Variants in ASPH observed in about 807,000 individuals in gnomAD.
The protein encoded by ASPH is aspartyl/asparaginyl beta-hydroxylase.
ASPH carries 100 observed loss-of-function variants against 118.4 expected under a neutral mutation model. The ratio of observed to expected loss-of-function variants is 0.84; its 90% confidence interval spans 0.72 to 1.00. ASPH has a LOEUF of 1.00. Ranked by LOEUF, ASPH falls within the 50% of genes least tolerant of loss-of-function variation. The pLI is 0.00. For synonymous variants in ASPH, 315 were observed against 325.6 expected (o/e 0.97, Z 0.35); for missense variants, 920 against 919.5 (o/e 1.00, Z -0.01).
intron 24 of ASPH, among the ~76,000 whole-genome samples, chr8:61,515,482 ACAGATGTTTTCAT>A (rs1429818855): frequency 7.9e-5 from 12 of 152,066 alleles, no homozygotes; most frequent in African/African-American, 2.9e-4. Context: ...TCTTCTAAAT[ACAGATGTTTTCAT>A]GGAACCTTTT....
chr8:61,676,098 T>C (rs559621994), intron 3 of ASPH: 11 of 1,599,430 alleles, frequency 6.9e-6, no homozygotes, highest in South Asian at 2.2e-5. Flanking sequence ...AAATCCAATA[T>C]GACACAAGTC....
chr8:61,514,253 G>C (rs1328497726), intron 24 of ASPH, among the ~76,000 whole-genome samples: 1 of 151,868 alleles, frequency 6.6e-6, no homozygotes, highest in African/African-American at 2.4e-5. Context: ...TCTGCATCAG[G>C]CTACTGAAGA....
chr8:61,661,971 A>G (rs1005789754), intron 3 of ASPH: 6 of 432,606 alleles, frequency 1.4e-5, no homozygotes, highest in African/African-American at 4.0e-5. Context: ...AAAATTCAAA[A>G]GAGTGGCTAC....
chr8:61,543,758 G>A (rs1822797802), intron 21 of ASPH, among the ~76,000 whole-genome samples: 2 of 152,190 alleles, frequency 1.3e-5, no homozygotes, highest in African/African-American at 4.8e-5. Flanking sequence ...AAATCAGTTC[G>A]GTCCCTCTCA....
chr8:61,570,844 C>T (rs1833272204), intron 16 of ASPH, among the ~76,000 whole-genome samples: 1 of 152,120 alleles, frequency 6.6e-6, no homozygotes, highest in Non-Finnish European at 1.5e-5. Flanking sequence ...GCCTCAAAGG[C>T]ATTAATGGTT....
intron 20 of ASPH, among the ~76,000 whole-genome samples, chr8:61,549,006 A>G (rs1322899052): frequency 2.0e-5 from 3 of 152,150 alleles, no homozygotes; most frequent in African/African-American, 7.2e-5. Context: ...CACTTCCTGC[A>G]CCATGCATGT....
Position 61,562,389 on chromosome 8 carries a change from C to CTGTGTGTGTGTG in ASPH, c.1437+343_1437+354dup, listed in dbSNP as rs150312211. ...AAAAAAAAAAAAAAGGAAAGTGTGT[C>CTGTGTGTGTGTG]TGTGTGTGTGTGTGTGTGTGTGTGT... On this transcript the variant is annotated intron_variant, in intron 18 of 24. Coordinates refer to ENST00000379454, the MANE Select transcript of ASPH (RefSeq NM_004318.4). 6.2e-5 allele frequency among the ~76,000 whole-genome samples: 8 copies of CTGTGTGTGTGTG among 128,988 alleles called. 2 individuals are homozygous for CTGTGTGTGTGTG. The highest frequency in any genetic ancestry group is 2.4e-4 in the East Asian group (1 of 4,226). The allele number at this position is 128,988 out of a possible 152,430, so 84.6% of individuals were successfully genotyped here. A position where few individuals can be genotyped will look rare whatever the true frequency, so the allele number is the denominator to read the frequency against.
At chr8:61,688,087 G>GT (rs1471607289) in intron 1 of ASPH, among the ~76,000 whole-genome samples, 5 of 152,086 alleles carry the variant, frequency 3.3e-5, no homozygotes, top group Non-Finnish European at 5.9e-5. Flanking sequence ...ATGAACGCAT[G>GT]GTAAGACAAA....
At chr8:61,563,203 A>AG (rs1587196202) in intron 17 of ASPH, among the ~76,000 whole-genome samples, 1 of 151,664 alleles carries the variant, frequency 6.6e-6, no homozygotes, top group South Asian at 2.1e-4. Context: ...GTTAAAAAAA[A>AG]AAGTTCTGCT....
intron 1 of ASPH, among the ~76,000 whole-genome samples, chr8:61,707,412 CT>C (rs1320994422): frequency 1.3e-5 from 2 of 152,186 alleles, no homozygotes; most frequent in African/African-American, 4.8e-5. Context: ...TTCACAGCCA[CT>C]CAACTGGCAA....
intron 19 of ASPH, 68 bp downstream of exon 19, chr8:61,555,856 A>ATT: frequency 7.4e-7 from 1 of 1,356,324 alleles, no homozygotes; most frequent in Non-Finnish European, 1.0e-6. Context: ...TACAAGGAAT[A>ATT]AGCAAGTGTG....
intron 3 of ASPH, 62 bp downstream of exon 3, chr8:61,680,906 G>T: frequency 2.8e-6 from 4 of 1,410,404 alleles, no homozygotes; most frequent in Non-Finnish European, 3.9e-6. Flanking sequence ...TATTATTAAA[G>T]CAAAAATAAT....
chr8:61,643,869 T>C (rs1334766832), intron 8 of ASPH, 76 bp downstream of exon 8: 1 of 1,121,104 alleles, frequency 8.9e-7, no homozygotes, highest in Non-Finnish European at 1.3e-6. Flanking sequence ...ATCACAATTG[T>C]TAACCCTGGA....
chr8:61,643,555 CA>C, intron 8 of ASPH, 122 bp from the exon 9 acceptor site: 3 of 970,428 alleles, frequency 3.1e-6, no homozygotes, highest in Non-Finnish European at 4.6e-6. Context: ...TTTTCATTAT[CA>C]TTTAATAAAA....
At chr8:61,641,622 T>C (rs1203509968) in intron 10 of ASPH, among the ~76,000 whole-genome samples, 1 of 152,218 alleles carries the variant, frequency 6.6e-6, no homozygotes, top group Non-Finnish European at 1.5e-5. Context: ...ATAGCCACTA[T>C]AGATGATGAA....
At chr8:61,529,774 A>G (rs1045491945) in intron 21 of ASPH, among the ~76,000 whole-genome samples, 2 of 152,196 alleles carry the variant, frequency 1.3e-5, no homozygotes, top group Admixed American at 6.5e-5. Flanking sequence ...GGCAGATTCA[A>G]TTCTGGTGAG....
At position 61,714,515 on chromosome 8, in the gene ASPH, A is replaced by C. The variant is rs1838919873; in HGVS notation, c.-144T>G. The C allele has an allele frequency of 1.6e-6, 2 of 1,212,290 alleles. No individual in the cohort carries two copies. The highest frequency in any genetic ancestry group is 2.1e-5 in the South Asian group (1 of 47,140). 75.1% of individuals were successfully genotyped at this position (1,212,290 alleles called of 1,614,324 possible). On this transcript the variant is annotated 5_prime_UTR_variant, in exon 1 of 25. Transcript: ENST00000379454. ...CCTGCAGCAGACCCTGTGCCTCAGCACCGCCTGCAGCACCTGGGAAGACTT... is the reference window on the plus strand; with the variant it reads ...CCTGCAGCAGACCCTGTGCCTCAGCCCCGCCTGCAGCACCTGGGAAGACTT...
intron 3 of ASPH, chr8:61,657,063 A>T (rs1033059954): frequency 1.3e-5 from 2 of 152,230 alleles, no homozygotes; most frequent in Non-Finnish European, 2.9e-5. Flanking sequence ...AATAAGAAAC[A>T]TGAACTATTT....
At chr8:61,566,666 C>T (rs1831797050) in intron 17 of ASPH, among the ~76,000 whole-genome samples, 1 of 152,176 alleles carries the variant, frequency 6.6e-6, no homozygotes, top group Non-Finnish European at 1.5e-5. Flanking sequence ...AAGAAATTGC[C>T]TCAGTCACCC....
Sources: allele counts gnomAD v4.1 joint callset (sites outside exome capture counted in the v4.1 genomes callset), GRCh38; gene constraint gnomAD v4.1.1; transcripts MANE v1.5; gene names NCBI Gene and HGNC (gene_info 2026-07-23, HGNC 2026-07-21).